RNF182: variants seen among roughly 807,000 people sequenced by gnomAD.
RNF182 encodes the protein ring finger protein 182, also known as E3 ubiquitin-protein ligase RNF182.
Under a neutral mutation model 14.4 loss-of-function variants are expected in RNF182, and 15 were observed. The ratio of observed to expected loss-of-function variants is 1.04; its 90% CI spans 0.70 to 1.60. The LOEUF is 1.60. Among genes scored for constraint, RNF182 ranks in the 40% most tolerant of loss-of-function variants. The pLI, the probability that RNF182 is intolerant of heterozygous loss-of-function variation, is 0.00. For synonymous variants in RNF182, 128 were observed against 122.9 expected (o/e 1.04, Z -0.27); for missense variants, 268 against 294.8 (o/e 0.91, Z 0.67).
At chr6:13,948,226 C>T (rs1023743365) in intron 1 of RNF182, among the ~76,000 whole-genome samples, 3 of 152,044 alleles carry the variant, frequency 2.0e-5, no homozygotes, top group South Asian at 2.1e-4. Context: ...CTGTGAAAGT[C>T]CTGCTTTATA....
At chr6:13,937,309 T>C (rs1759136909) in intron 1 of RNF182, among the ~76,000 whole-genome samples, 1 of 152,326 alleles carries the variant, frequency 6.6e-6, no homozygotes, top group East Asian at 1.9e-4. Context: ...AATCCTTCCT[T>C]TGCCTTTTTC....
At chr6:13,975,265 C>CAGG in intron 2 of RNF182, among the ~76,000 whole-genome samples, 1 of 152,216 alleles carries the variant, frequency 6.6e-6, no homozygotes, top group Middle Eastern at 3.4e-3. Context: ...GAACTGTGAG[C>CAGG]AGGACATAGT....
At chr6:13,954,115 C>T (rs1411807090) in intron 1 of RNF182, among the ~76,000 whole-genome samples, 3 of 152,124 alleles carry the variant, frequency 2.0e-5, no homozygotes, top group Non-Finnish European at 4.4e-5. Flanking sequence ...CAACATATGG[C>T]CAATCTTGCT....
intron 1 of RNF182, among the ~76,000 whole-genome samples, chr6:13,968,054 A>C (rs1374698206): frequency 3.4e-5 from 5 of 144,992 alleles, no homozygotes; most frequent in Non-Finnish European, 4.6e-5. Flanking sequence ...GAATTGGGAA[A>C]AAAATCATAA....
chr6:13,977,205 T>C lies in RNF182; in HGVS notation c.86T>C (p.Leu29Pro). The C allele has an allele frequency of 1.2e-6, 2 of 1,614,164 alleles. No homozygotes were observed. The highest frequency in any genetic ancestry group is 1.7e-6 in the Non-Finnish European group (2 of 1,180,022). The change falls in exon 3 of 3, where the codon CTG becomes CCG. Residue 29 changes from leucine (L) to proline (P), a missense_variant. Leu to Pro is a moderately conservative substitution (Grantham distance 98, BLOSUM62 -3). Coordinates refer to ENST00000488300, the MANE Select transcript of RNF182 (RefSeq NM_152737.4). ...AAAATCTGTTACAATCGATACAATC[T>C]GAAACAGAGGAAACCCAAAGTGCTG... ...ECKICYNRYNLKQRKPKVLEC... is the reference protein window; with the variant it reads ...ECKICYNRYNPKQRKPKVLEC...
At chr6:13,941,781 T>A (rs921371933) in intron 1 of RNF182, among the ~76,000 whole-genome samples, 5 of 152,174 alleles carry the variant, frequency 3.3e-5, no homozygotes, top group Admixed American at 3.3e-4. Context: ...AATCCTTCCG[T>A]GATGGTGTAG....
chr6:13,945,589 CT>C (rs199635484), intron 1 of RNF182, among the ~76,000 whole-genome samples: 2,489 of 152,200 alleles, frequency 0.016, 37 homozygotes, highest in Non-Finnish European at 0.025. Flanking sequence ...ACAAATGAAC[CT>C]TAAAAAAATT....
At chr6:13,948,157 C>CT (rs1759484370) in intron 1 of RNF182, among the ~76,000 whole-genome samples, 1 of 152,022 alleles carries the variant, frequency 6.6e-6, no homozygotes, top group Non-Finnish European at 1.5e-5. Context: ...TTTATGAATA[C>CT]ATTAGTTTTC....
chr6:13,962,490 T>A (rs1290690963), intron 1 of RNF182, among the ~76,000 whole-genome samples: 1 of 152,224 alleles, frequency 6.6e-6, no homozygotes, highest in African/African-American at 2.4e-5. Flanking sequence ...TAGAAACTGA[T>A]AATCAAGAAG....
At chr6:13,939,861 C>T (rs918776765) in intron 1 of RNF182, among the ~76,000 whole-genome samples, 7 of 152,202 alleles carry the variant, frequency 4.6e-5, no homozygotes, top group African/African-American at 1.2e-4. Context: ...ATTTTTGTAT[C>T]TTGACCTTGA....
intron 1 of RNF182, among the ~76,000 whole-genome samples, chr6:13,972,298 C>CTTA (rs1340605307): frequency 1.4e-5 from 2 of 142,086 alleles, no homozygotes; most frequent in Admixed American, 7.1e-5. Flanking sequence ...GAGCAAGACT[C>CTTA]TGTCTCAAAA....
At chr6:13,961,518 C>G (rs1388667174) in intron 1 of RNF182, 1 of 152,120 alleles carries the variant, frequency 6.6e-6, no homozygotes, top group Non-Finnish European at 1.5e-5. Context: ...GGCTGCACTT[C>G]CAGAGTCTTG....
intron 1 of RNF182, among the ~76,000 whole-genome samples, chr6:13,943,481 A>G (rs1270653952): frequency 6.6e-6 from 1 of 152,130 alleles, no homozygotes; most frequent in Non-Finnish European, 1.5e-5. Flanking sequence ...ACAGTAAATC[A>G]TGTATGCTAC....
intron 1 of RNF182, among the ~76,000 whole-genome samples, chr6:13,955,171 G>A (rs1444771227): frequency 6.6e-6 from 1 of 152,204 alleles, no homozygotes; most frequent in African/African-American, 2.4e-5. Flanking sequence ...TAGGAATGCA[G>A]CGTTGGACGG....
Position 13,972,019 on chromosome 6 carries a change from G to A in RNF182, c.-366-2191G>A, listed in dbSNP as rs375707368. Among the ~76,000 whole-genome samples the A allele has an allele frequency of 1.2e-3, 185 of 152,204 alleles. 4 individuals are homozygous for A. In the South Asian group the frequency reaches 0.025, roughly 20 times the overall value. On this transcript the variant is annotated intron_variant, in intron 1 of 2. Transcript: ENST00000488300. ...TTTGTGTTTAAAAGGGAAACAGAGC[G>A]GCTGGGTGCAGTGGCTCATGCCTGT...
chr6:13,926,075 TTAA>T (rs1321262386), intron 1 of RNF182, among the ~76,000 whole-genome samples: 7 of 152,222 alleles, frequency 4.6e-5, no homozygotes, highest in South Asian at 2.1e-4. Flanking sequence ...TGTATATATG[TTAA>T]TAAGATTTGT....
At chr6:13,950,529 G>A (rs1213358869) in intron 1 of RNF182, among the ~76,000 whole-genome samples, 1 of 117,932 alleles carries the variant, frequency 8.5e-6, no homozygotes, top group Non-Finnish European at 1.7e-5. Flanking sequence ...ACAGAGTCCT[G>A]CTCTGTCTCC....
At chr6:13,972,136 A>G (rs1378664094) in intron 1 of RNF182, among the ~76,000 whole-genome samples, 1 of 151,740 alleles carries the variant, frequency 6.6e-6, no homozygotes, top group Non-Finnish European at 1.5e-5. Flanking sequence ...CCGTCTACTA[A>G]AAAATACAAA....
chr6:13,959,235 A>G (rs1174680692), intron 1 of RNF182, among the ~76,000 whole-genome samples: 1 of 152,246 alleles, frequency 6.6e-6, no homozygotes, highest in Non-Finnish European at 1.5e-5. Flanking sequence ...ATGACATTTC[A>G]CATTGAGCAA....
Sources: gnomAD v4.1 joint callset for allele counts (sites outside exome capture counted in the v4.1 genomes callset) on GRCh38, gnomAD v4.1.1 for gene constraint, MANE v1.5 for transcripts, NCBI Gene and HGNC (gene_info 2026-07-23, HGNC 2026-07-21) for gene names.